SOAT1: variants seen among roughly 807,000 people sequenced by gnomAD.
SOAT1 encodes the protein sterol O-acyltransferase 1, also known as acyl-coenzyme A:cholesterol acyltransferase 1.
SOAT1 carries 55 observed loss-of-function variants against 69.5 expected under a neutral mutation model. The ratio of observed to expected loss-of-function variants is 0.79; its 90% confidence interval spans 0.64 to 0.99. SOAT1 has a LOEUF of 0.99. SOAT1 is among the 50% of genes least tolerant of loss of function. The probability of loss-of-function intolerance (pLI) is 0.00; values close to 1 mark genes in which losing one functional copy is unlikely to be tolerated. For missense variants in SOAT1, 580 were observed against 669.3 expected (o/e 0.87, Z 1.47); for synonymous variants, 231 against 224.7 (o/e 1.03, Z -0.25).
chr1:179,342,469 T>A (rs1666375247), intron 8 of SOAT1, among the ~76,000 whole-genome samples: 1 of 152,128 alleles, frequency 6.6e-6, no homozygotes, highest in South Asian at 2.1e-4. Context: ...ATATATATTA[T>A]CCATATTGAT....
chr1:179,349,056 G>A lies in SOAT1; in HGVS notation c.1314+114G>A, dbSNP rs1666633557. ...ATTTAATTGCTCATGAGGAAAGGGT[G>A]ATAGTATCTTTTCAGTTTTCTTTTG... On this transcript the variant is annotated intron_variant, in intron 13 of 15. Transcript: ENST00000367619. 8.5e-5 allele frequency: 56 copies of A among 659,420 alleles called. 1 individual carries two copies. The South Asian group carries it at 1.0e-3, about 12-fold the overall frequency. The allele number at this position is 659,420 out of a possible 1,614,324, so 40.8% of individuals were successfully genotyped here. A position where few individuals can be genotyped will look rare whatever the true frequency, so the allele number is the denominator to read the frequency against.
At chr1:179,334,888 G>A (rs1222016076) in intron 3 of SOAT1, among the ~76,000 whole-genome samples, 33 of 151,946 alleles carry the variant, frequency 2.2e-4, no homozygotes, top group Non-Finnish European at 7.4e-5. Context: ...GGTGGCGCAT[G>A]CCTGTAATCC....
Position 179,347,693 on chromosome 1 carries a change from A to G in SOAT1, c.1211A>G (p.Tyr404Cys), listed in dbSNP as rs201663121. ...EMLRFGDRMF[Y>C]KDWWNSTSYS... ...TTACGCTTTGGTGACAGGATGTTCT[A>G]TAAGGTAGTATATACTTAGACTTAG... Residue 404 changes from tyrosine (Y) to cysteine (C), a missense_variant, in exon 12 of 16, where the codon TAT becomes TGT. Physicochemically the swap from Tyr to Cys is radical, Grantham distance 194. Transcript: ENST00000367619. The G allele has an allele frequency of 2.3e-5, 37 of 1,579,134 alleles. No homozygotes were observed. Among genetic ancestry groups the G allele is most frequent in the African/African-American group, 4.0e-5 (3 of 74,138 alleles).
chr1:179,325,801 G>A (rs1665769359), intron 3 of SOAT1, among the ~76,000 whole-genome samples: 1 of 152,140 alleles, frequency 6.6e-6, no homozygotes, highest in Admixed American at 6.5e-5. Flanking sequence ...GCAGGATGAA[G>A]GGGGGATGTT....
intron 2 of SOAT1, among the ~76,000 whole-genome samples, chr1:179,318,591 T>C (rs1041920943): frequency 2.0e-5 from 3 of 152,202 alleles, no homozygotes; most frequent in African/African-American, 4.8e-5. Flanking sequence ...CAAAACCCTG[T>C]ACCCATTAGC....
At chr1:179,324,652 A>G (rs938924109) in intron 3 of SOAT1, among the ~76,000 whole-genome samples, 3 of 152,238 alleles carry the variant, frequency 2.0e-5, no homozygotes, top group Non-Finnish European at 4.4e-5. Context: ...GATGAAGATC[A>G]TTTCTGATGA....
In SOAT1 at chr1:179,344,998, C is replaced by T; in HGVS notation, c.1039C>T (p.Pro347Ser). 1 of 1,613,934 alleles carries T rather than the reference C, an allele frequency of 6.2e-7. No homozygotes were observed. The highest frequency in any genetic ancestry group is 8.5e-7 in the Non-Finnish European group (1 of 1,179,922). The change falls in exon 11 of 16, where the codon CCC (proline) becomes TCC (serine). Residue 347 changes from proline (P) to serine (S), a missense_variant. Pro to Ser is a moderately conservative substitution (Grantham distance 74). Coordinates refer to ENST00000367619, the MANE Select transcript of SOAT1 (RefSeq NM_003101.6). ...VYYIFERLCA[P>S]LFRNIKQEPF... is the part of the protein sequence containing the mutation. ...CTACATCTTTGAAAGGCTTTGTGCC[C>T]CCTTGTTTCGGAATATCAAACAGGA...
intron 3 of SOAT1, among the ~76,000 whole-genome samples, chr1:179,324,495 C>T (rs1665711358): frequency 6.6e-6 from 1 of 152,168 alleles, no homozygotes; most frequent in South Asian, 2.1e-4. Flanking sequence ...CAATGTAATT[C>T]CTTATGGTAC....
chr1:179,346,530 A>G (rs1666539872), intron 11 of SOAT1, among the ~76,000 whole-genome samples: 1 of 152,192 alleles, frequency 6.6e-6, no homozygotes, highest in Admixed American at 6.5e-5. Context: ...GATGGATGCA[A>G]GGGCATGGAG....
At chr1:179,313,377 A>G (rs1665282473) in intron 2 of SOAT1, among the ~76,000 whole-genome samples, 2 of 145,432 alleles carry the variant, frequency 1.4e-5, no homozygotes, top group Non-Finnish European at 3.1e-5. Context: ...GCTAGTCTGG[A>G]TTGAGAAACA....
intron 2 of SOAT1, among the ~76,000 whole-genome samples, chr1:179,319,139 G>A (rs951286075): frequency 1.3e-5 from 2 of 151,806 alleles, no homozygotes; most frequent in African/African-American, 4.8e-5. Context: ...AGCCATCCTA[G>A]TGGGTGTGAA....
In SOAT1 at chr1:179,337,903, A is replaced by G. The variant is rs1666212741; in HGVS notation, c.389+7A>G. ...CAAGGCGCTCTCTCTTAGAGTGAGT[A>G]TTTTTAGTTGTTTTTAAATATGTTT... On this transcript the variant is annotated splice_region_variant and intron_variant, in intron 5 of 15. Coordinates refer to ENST00000367619, the MANE Select transcript of SOAT1 (RefSeq NM_003101.6). The G allele has an allele frequency of 1.3e-6, 2 of 1,584,402 alleles. No individual in the cohort carries two copies. The highest frequency in any genetic ancestry group is 1.7e-6 in the Non-Finnish European group (2 of 1,163,212).
intron 3 of SOAT1, 107 bp from the exon 4 acceptor site, chr1:179,335,399 T>G: frequency 1.0e-6 from 1 of 972,436 alleles, no homozygotes; most frequent in Non-Finnish European, 1.5e-6. Context: ...GAACTCACTA[T>G]GTCTTTCTTT....
chr1:179,298,260 T>C (rs1664720290), intron 1 of SOAT1, among the ~76,000 whole-genome samples: 2 of 150,660 alleles, frequency 1.3e-5, no homozygotes. Flanking sequence ...ATTTTTTGTA[T>C]TTTTAGTAGA....
At position 179,357,434 on chromosome 1, in the gene SOAT1, C is replaced by G. The variant is rs1365252598; in HGVS notation, c.*3793C>G. 6.6e-6 allele frequency: 1 copy of G among 152,214 alleles called. No homozygotes were observed. The highest frequency in any genetic ancestry group is 1.9e-4 in the East Asian group (1 of 5,176). 9.4% of individuals were successfully genotyped at this position (152,214 alleles called of 1,614,324 possible). A position where few individuals can be genotyped will look rare whatever the true frequency, so the allele number is the denominator to read the frequency against. On this transcript the variant is annotated 3_prime_UTR_variant, in exon 16 of 16. Coordinates refer to ENST00000367619, the MANE Select transcript of SOAT1 (RefSeq NM_003101.6). ...GTCAGGCTGGTCTCGAACTCCTGAC[C>G]TCATGATCCGCCAGCCTCAGCCTCC...
At chr1:179,353,214 T>TATATAAATATAA (rs1309874954) in intron 15 of SOAT1, among the ~76,000 whole-genome samples, 4 of 118,138 alleles carry the variant, frequency 3.4e-5, no homozygotes, top group Admixed American at 1.1e-4. Flanking sequence ...TATAAATATA[T>TATATAAATATAA]ATATATATAT....
intron 3 of SOAT1, among the ~76,000 whole-genome samples, chr1:179,332,922 C>T (rs954400094): frequency 4.2e-5 from 6 of 142,920 alleles, no homozygotes; most frequent in African/African-American, 7.3e-5. Flanking sequence ...GAAATGTAAG[C>T]GTCCACAGAG....
chr1:179,315,640 C>G (rs1278537540), intron 2 of SOAT1, among the ~76,000 whole-genome samples: 4 of 152,194 alleles, frequency 2.6e-5, no homozygotes, highest in Non-Finnish European at 2.9e-5. Context: ...TTTTCTTCCA[C>G]TTACTTAACT....
At chr1:179,318,436 A>T (rs984104219) in intron 2 of SOAT1, among the ~76,000 whole-genome samples, 1 of 152,210 alleles carries the variant, frequency 6.6e-6, no homozygotes, top group African/African-American at 2.4e-5. Flanking sequence ...AAAATTACGA[A>T]AAAGATTCTC....
Sources: gnomAD v4.1 joint callset for allele counts (sites outside exome capture counted in the v4.1 genomes callset) on GRCh38, gnomAD v4.1.1 for gene constraint, MANE v1.5 for transcripts, NCBI Gene and HGNC (gene_info 2026-07-23, HGNC 2026-07-21) for gene names.